SLC12A7: variants seen among roughly 807,000 people sequenced by gnomAD.
SLC12A7 encodes the protein solute carrier family 12 member 7, also known as K-Cl cotransporter 4.
SLC12A7 carries 100 observed loss-of-function variants against 120.6 expected under a neutral mutation model. The ratio of observed to expected loss-of-function variants is 0.83; its 90% confidence interval spans 0.71 to 0.98. The LOEUF (loss-of-function observed/expected upper bound fraction) is 0.98. Ranked by LOEUF, SLC12A7 falls within the 50% of genes least tolerant of loss-of-function variation. The probability of loss-of-function intolerance (pLI) is 0.00; values close to 1 mark genes in which losing one functional copy is unlikely to be tolerated. For missense variants in SLC12A7, 1,373 were observed against 1,548.1 expected (o/e 0.89, Z 1.90); for synonymous variants, 760 against 678.0 (o/e 1.12, Z -1.88).
At position 1,050,560 on chromosome 5, in the gene SLC12A7, C is replaced by G; in HGVS notation, c.*1800G>C. 3.3e-6 allele frequency: 1 copy of G among 301,752 alleles called. No homozygotes were observed. Among genetic ancestry groups the G allele is most frequent in the African/African-American group, 2.1e-5 (1 of 46,622 alleles). 18.7% of individuals were successfully genotyped at this position (301,752 alleles called of 1,614,324 possible). A position where few individuals can be genotyped will look rare whatever the true frequency, so the allele number is the denominator to read the frequency against. ...CCCAGGGCGGGGGCAGAGCTGAGCC[C>G]TCAGGAGGTGGTTTCGTGTGCAGAA... On this transcript the variant is annotated 3_prime_UTR_variant, in exon 24 of 24. Coordinates refer to ENST00000264930, the MANE Select transcript of SLC12A7 (RefSeq NM_006598.3).
chr5:1,126,841 T>C, the SLC12A7 span, among the ~76,000 whole-genome samples: 8 of 152,216 alleles, frequency 5.3e-5, no homozygotes, highest in Admixed American at 5.2e-4. Flanking sequence ...CTGTAGATCC[T>C]GCAAAAGTAT....
At chr5:1,087,615 G>C (rs116116081) in intron 5 of SLC12A7, among the ~76,000 whole-genome samples, 1 of 152,304 alleles carries the variant, frequency 6.6e-6, no homozygotes, top group South Asian at 2.1e-4. Flanking sequence ...GAAGGCCCTC[G>C]TGCTCTCCTG....
chr5:1,132,971 C>T, the SLC12A7 span, among the ~76,000 whole-genome samples: 5 of 152,180 alleles, frequency 3.3e-5, no homozygotes, highest in Non-Finnish European at 7.3e-5. Context: ...GGTGCAGGGG[C>T]GTGATCTTGG....
chr5:1,139,190 G>A, the SLC12A7 span, among the ~76,000 whole-genome samples: 4 of 152,256 alleles, frequency 2.6e-5, no homozygotes, highest in South Asian at 2.1e-4. Context: ...CTCATGGTCC[G>A]TAGGCAAGAG....
the SLC12A7 span, among the ~76,000 whole-genome samples, chr5:1,154,354 A>AACACACACACACAC: frequency 3.9e-3 from 556 of 141,794 alleles, 6 homozygotes; most frequent in African/African-American, 0.013. Flanking sequence ...TGGTGTCCGC[A>AACACACACACACAC]ACACACACAC....
intron 17 of SLC12A7, among the ~76,000 whole-genome samples, chr5:1,065,922 G>A (rs1165410310): frequency 6.6e-6 from 1 of 151,994 alleles, no homozygotes; most frequent in African/African-American, 2.4e-5. Flanking sequence ...AACAGCAACG[G>A]CGGGGGGCGG....
At chr5:1,076,371 A>G in intron 13 of SLC12A7, 135 bp from the exon 14 acceptor site, 3 of 373,322 alleles carry the variant, frequency 8.0e-6, no homozygotes, top group Admixed American at 6.4e-5. Flanking sequence ...TCTGCACGTG[A>G]GCTGACTCAG....
intron 5 of SLC12A7, 59 bp downstream of exon 5, chr5:1,088,247 C>A (rs542276390): frequency 2.1e-5 from 32 of 1,531,890 alleles, no homozygotes; most frequent in Non-Finnish European, 2.8e-5. Context: ...GGTTGCCGTG[C>A]GGCAAAACAC....
At chr5:1,099,478 G>A (rs1222651331) in intron 1 of SLC12A7, among the ~76,000 whole-genome samples, 3 of 142,254 alleles carry the variant, frequency 2.1e-5, no homozygotes, top group Admixed American at 1.3e-4. Context: ...GGCAGGGCCC[G>A]ACCCAGTCCA....
intron 8 of SLC12A7, among the ~76,000 whole-genome samples, chr5:1,083,406 A>C (rs1180050038): frequency 6.6e-6 from 1 of 152,218 alleles, no homozygotes. Context: ...AGAAGGATAC[A>C]CAGAGGGGGA....
chr5:1,147,748 T>C, the SLC12A7 span, among the ~76,000 whole-genome samples: 1 of 152,190 alleles, frequency 6.6e-6, no homozygotes, highest in Non-Finnish European at 1.5e-5. Flanking sequence ...ATTAAATTAA[T>C]TAATTACTTT....
chr5:1,102,010 T>C (rs987026136), intron 1 of SLC12A7, among the ~76,000 whole-genome samples: 1 of 152,150 alleles, frequency 6.6e-6, no homozygotes, highest in African/African-American at 2.4e-5. Flanking sequence ...CACTCTAGGT[T>C]AGTTTTCCAG....
the SLC12A7 span, among the ~76,000 whole-genome samples, chr5:1,127,083 C>T: frequency 1.4e-4 from 22 of 152,216 alleles, no homozygotes; most frequent in East Asian, 3.9e-4. Flanking sequence ...GGCGCAATCT[C>T]GGCTCACTGC....
At chr5:1,064,739 G>GAGGAGACGGTGAAGGGACAGCA (rs1561042836) in intron 18 of SLC12A7, among the ~76,000 whole-genome samples, 17 of 127,046 alleles carry the variant, frequency 1.3e-4, no homozygotes, top group African/African-American at 4.6e-4. Context: ...AAGGGACAGC[G>GAGGAGACGGTGAAGGGACAGCA]AGGGGACGGC....
In SLC12A7 at chr5:1,081,697, T is replaced by C; in HGVS notation, c.1177A>G (p.Lys393Glu). 6.2e-7 allele frequency: 1 copy of C among 1,613,082 alleles called. No individual in the cohort carries two copies. The highest frequency in any genetic ancestry group is 8.5e-7 in the Non-Finnish European group (1 of 1,179,976). Residue 393 changes from lysine to glutamate, a missense_variant, in exon 9 of 24, where the codon AAA becomes GAA. Physicochemically the swap from Lys to Glu is moderately conservative, Grantham distance 56. Transcript: ENST00000264930. ...YAHAGAFVEK[K>E]GVPSVPVAEE... ...GCCACGGGCACCGAGGGCACACCTT[T>C]CTTCTCCACAAACGCCCCCGCGTGC...
the SLC12A7 span, among the ~76,000 whole-genome samples, chr5:1,139,069 G>T: frequency 2.0e-5 from 1 of 49,118 alleles, no homozygotes; most frequent in Admixed American, 1.7e-4. Context: ...GCTTGGGGTG[G>T]GGGGGGGGCT....
At chr5:1,131,084 C>T in the SLC12A7 span, among the ~76,000 whole-genome samples, 2 of 152,208 alleles carry the variant, frequency 1.3e-5, no homozygotes, top group African/African-American at 4.8e-5. Flanking sequence ...GAGATGGAGG[C>T]CTAATCAAAG....
Position 1,078,011 on chromosome 5 carries a change from C to T in SLC12A7, c.1455-4G>A, listed in dbSNP as rs1287165785. On this transcript the variant is annotated splice_polypyrimidine_tract_variant and splice_region_variant and intron_variant, in intron 11 of 23. Transcript: ENST00000264930. ...CCCCTGCAGGGCCTCCCCGAACCTG[C>T]AGGCAGGCGGGCAGGCGGGCGGGCG... The T allele has an allele frequency of 6.4e-7, 1 of 1,557,086 alleles. No individual in the cohort carries two copies.
intron 3 of SLC12A7, among the ~76,000 whole-genome samples, chr5:1,089,983 C>T (rs150674730): frequency 1.3e-5 from 2 of 152,366 alleles, no homozygotes; most frequent in Non-Finnish European, 2.9e-5. Flanking sequence ...GACGTTTTAA[C>T]AGGAAAACGT....
Sources: allele counts gnomAD v4.1 joint callset (sites outside exome capture counted in the v4.1 genomes callset), GRCh38; gene constraint gnomAD v4.1.1; transcripts MANE v1.5; gene names NCBI Gene and HGNC (gene_info 2026-07-23, HGNC 2026-07-21).